NHEJ1: variants seen among roughly 807,000 people sequenced by gnomAD.
The protein encoded by NHEJ1 is non-homologous end-joining factor 1.
A neutral mutation model predicts 39.4 loss-of-function variants in NHEJ1; 22 were observed. The ratio of observed to expected loss-of-function variants is 0.56; its 90% CI spans 0.40 to 0.80. NHEJ1 has a LOEUF of 0.80. NHEJ1 is among the 30% of genes least tolerant of loss of function. The pLI is 0.00. For missense variants in NHEJ1, 329 were observed against 357.1 expected (o/e 0.92, Z 0.63); for synonymous variants, 154 against 135.6 (o/e 1.14, Z -0.94).
intron 3 of NHEJ1, among the ~76,000 whole-genome samples, chr2:219,151,949 CAG>C (rs898057320): frequency 6.6e-6 from 1 of 152,068 alleles, no homozygotes; most frequent in Non-Finnish European, 1.5e-5. Flanking sequence ...GCCTGGGTGA[CAG>C]AGAGAGACTC....
chr2:219,097,129 T>G (rs1949216053), intron 5 of NHEJ1, among the ~76,000 whole-genome samples: 1 of 152,202 alleles, frequency 6.6e-6, no homozygotes, highest in Non-Finnish European at 1.5e-5. Flanking sequence ...CTAATATAAG[T>G]GTTCTGAGCA....
chr2:219,128,389 C>T (rs1949544097), intron 5 of NHEJ1, among the ~76,000 whole-genome samples: 1 of 152,076 alleles, frequency 6.6e-6, no homozygotes, highest in Admixed American at 6.5e-5. Context: ...CTTTGAAAAG[C>T]ACTATTCTAG....
At chr2:219,150,519 T>A (rs913516596) in intron 3 of NHEJ1, among the ~76,000 whole-genome samples, 2 of 152,224 alleles carry the variant, frequency 1.3e-5, no homozygotes, top group African/African-American at 4.8e-5. Context: ...GGAATTGTTT[T>A]GTTAAATTTG....
At chr2:219,093,524 T>A (rs897494699) in intron 5 of NHEJ1, among the ~76,000 whole-genome samples, 2 of 152,112 alleles carry the variant, frequency 1.3e-5, no homozygotes, top group Admixed American at 6.5e-5. Context: ...CACAGAATGG[T>A]CAGTGCCTAA....
intron 5 of NHEJ1, among the ~76,000 whole-genome samples, chr2:219,120,613 C>A (rs1949462330): frequency 1.3e-5 from 2 of 152,082 alleles, no homozygotes; most frequent in Admixed American, 1.3e-4. Context: ...ATTTACAGGT[C>A]TTTGTAGAAA....
At chr2:219,088,345 C>T (rs962901283) in intron 5 of NHEJ1, among the ~76,000 whole-genome samples, 4 of 151,900 alleles carry the variant, frequency 2.6e-5, no homozygotes, top group South Asian at 2.1e-4. Context: ...ATTAATATTT[C>T]GGGCCAGGTG....
At position 219,111,891 on chromosome 2, in the gene NHEJ1, G is replaced by A. The variant is rs575386312; in HGVS notation, c.589-33685C>T. Among the ~76,000 whole-genome samples the A allele has an allele frequency of 1.3e-5, 2 of 152,328 alleles. No individual in the cohort carries two copies. The highest frequency in any genetic ancestry group is 4.8e-5 in the African/African-American group (2 of 41,566). ...CAGCATCATGGCAGGATGGGGCGAG[G>A]CCATGCTTTAGGGGTGGGGGGATGA... is the stretch of plus-strand genomic sequence containing the variant. On this transcript the variant is annotated intron_variant, in intron 5 of 7. Coordinates refer to ENST00000356853, the MANE Select transcript of NHEJ1 (RefSeq NM_024782.3). The surrounding 1 kb of genome is among the most constrained non-coding windows in gnomAD (Gnocchi z 4.1).
intron 5 of NHEJ1, among the ~76,000 whole-genome samples, chr2:219,141,561 G>A (rs1949692504): frequency 6.6e-6 from 1 of 152,114 alleles, no homozygotes; most frequent in Admixed American, 6.5e-5. Flanking sequence ...AAACTGAATG[G>A]ATGATGGTAT....
In NHEJ1 at chr2:219,111,333, A is replaced by T. The variant is rs1949363528; in HGVS notation, c.589-33127T>A. 6.6e-6 allele frequency among the ~76,000 whole-genome samples: 1 copy of T among 152,222 alleles called. No homozygotes were observed. Among genetic ancestry groups the T allele is most frequent in the Non-Finnish European group, 1.5e-5 (1 of 68,042 alleles). On this transcript the variant is annotated intron_variant, in intron 5 of 7. Coordinates refer to ENST00000356853, the MANE Select transcript of NHEJ1 (RefSeq NM_024782.3). The surrounding 1 kb of genome is among the most constrained non-coding windows in gnomAD (Gnocchi z 4.1). ...TTGGATAAGGGGTTAACACTCCTTA[A>T]AAAGCAAAGTAGGGGGATGGTACAG... is the stretch of plus-strand genomic sequence containing the variant.
rs1368984265 is a variant in NHEJ1, at chr2:219,072,751, G to A, written c.*3630C>T. Among the ~76,000 whole-genome samples the A allele has an allele frequency of 6.6e-6, 1 of 152,130 alleles. No homozygotes were observed. Among genetic ancestry groups the A allele is most frequent in the Non-Finnish European group, 1.5e-5 (1 of 68,036 alleles). On this transcript the variant is annotated 3_prime_UTR_variant, in exon 8 of 8. Coordinates refer to ENST00000356853, the MANE Select transcript of NHEJ1 (RefSeq NM_024782.3). The stretch of plus-strand genomic sequence containing the variant: ...GTGAGCTTACCATATCATGAGGAAG[G>A]GCTATTAAGAGAATTTAGGCTTACT...
chr2:219,083,211 A>AAT (rs1332502185), intron 5 of NHEJ1, among the ~76,000 whole-genome samples: 5 of 152,178 alleles, frequency 3.3e-5, no homozygotes, highest in African/African-American at 1.2e-4. Context: ...ATCACCAACA[A>AAT]ATATATAGCT....
intron 5 of NHEJ1, among the ~76,000 whole-genome samples, chr2:219,143,265 T>C (rs1949708178): frequency 1.3e-5 from 2 of 152,140 alleles, no homozygotes; most frequent in Non-Finnish European, 2.9e-5. Flanking sequence ...TGTGTCCTGT[T>C]TGTAGGACCC....
At chr2:219,085,006 G>A in intron 5 of NHEJ1, among the ~76,000 whole-genome samples, 1 of 152,160 alleles carries the variant, frequency 6.6e-6, no homozygotes, top group East Asian at 1.9e-4. Context: ...ACCATTTCCT[G>A]CTTCCTAATG....
intron 5 of NHEJ1, among the ~76,000 whole-genome samples, chr2:219,092,582 G>A (rs1424102606): frequency 1.3e-5 from 2 of 152,188 alleles, no homozygotes; most frequent in East Asian, 1.9e-4. Flanking sequence ...ACAATTGAAG[G>A]AAATGCTAAA....
In NHEJ1 at chr2:219,115,873, G is replaced by C. The variant is rs1026543086; in HGVS notation, c.588+30807C>G. On this transcript the variant is annotated intron_variant, in intron 5 of 7. Transcript: ENST00000356853. ...CCGGTGGCTCACACCTGTAATCCCA[G>C]CACTTTGGGAGGCCGAGGCGGGCAG... 6.6e-5 allele frequency among the ~76,000 whole-genome samples: 10 copies of C among 152,144 alleles called. No homozygotes were observed. The East Asian group carries it at 1.2e-3, about 18-fold the overall frequency.
chr2:219,151,119 C>T (rs1052188761), intron 3 of NHEJ1, among the ~76,000 whole-genome samples: 4 of 139,070 alleles, frequency 2.9e-5, no homozygotes, highest in African/African-American at 1.1e-4. Flanking sequence ...CAGAGTGAGA[C>T]CTTATCTCAA....
At chr2:219,097,300 A>C (rs1376223317) in intron 5 of NHEJ1, among the ~76,000 whole-genome samples, 1 of 152,198 alleles carries the variant, frequency 6.6e-6, no homozygotes, top group Non-Finnish European at 1.5e-5. Flanking sequence ...CCCAGAGACA[A>C]CTGCAGTCCC....
intron 5 of NHEJ1, among the ~76,000 whole-genome samples, chr2:219,113,756 T>TTAAG (rs1421595888): frequency 6.6e-6 from 1 of 152,196 alleles, no homozygotes; most frequent in Middle Eastern, 3.2e-3. Context: ...GGCAAACCTA[T>TTAAG]TAAGCTACAG....
intron 3 of NHEJ1, among the ~76,000 whole-genome samples, chr2:219,152,281 G>C (rs895788350): frequency 2.6e-5 from 4 of 152,114 alleles, no homozygotes; most frequent in African/African-American, 9.7e-5. Context: ...TTTCTCCAAA[G>C]TCTTCAGATT....
Sources: allele counts gnomAD v4.1 joint callset (sites outside exome capture counted in the v4.1 genomes callset), GRCh38; gene constraint gnomAD v4.1.1; non-coding constraint Gnocchi (gnomAD v3.1); transcripts MANE v1.5; gene names NCBI Gene and HGNC (gene_info 2026-07-23, HGNC 2026-07-21).